Variants in HNRNPA0 observed in about 807,000 individuals in gnomAD.
The protein encoded by HNRNPA0 is heterogeneous nuclear ribonucleoprotein A0.
For missense variants in HNRNPA0, 252 were observed against 433.7 expected, an observed-to-expected ratio of 0.58 and a Z score of 3.72; for synonymous variants, 243 against 195.5, an observed-to-expected ratio of 1.24 and a Z score of -2.03.
rs773642179 is a variant in HNRNPA0, at chr5:137,746,671, A to C, written c.*6478T>G. The C allele has an allele frequency of 1.3e-5, 2 of 152,034 alleles. No individual in the cohort carries two copies. Among genetic ancestry groups the C allele is most frequent in the African/African-American group, 2.4e-5 (1 of 41,362 alleles). The allele number at this position is 152,034 out of a possible 1,614,324, so 9.4% of individuals were successfully genotyped here. ...TGCAACAATCGCCATTCCTCACCCT[A>C]ATTTTTTCTATACTTCTCATCTTCT... On this transcript the variant is annotated 3_prime_UTR_variant, in exon 1 of 1. Coordinates refer to ENST00000314940, the MANE Select transcript of HNRNPA0 (RefSeq NM_006805.4).
In HNRNPA0 at chr5:137,753,620, G is replaced by A. The variant is rs1753551203; in HGVS notation, c.447C>T (p.His149=). The stretch of plus-strand genomic sequence containing the variant: ...CCACCGCGGCCTTGTCTGCCGCGTC[G>A]TGATTCTGGAAATACACGAAGCCGA... ...RGFGFVYFQN[H]DAADKAAVVK... is the part of the protein sequence containing the mutation. The change falls in exon 1 of 1, where the codon CAC becomes CAT. Residue 149 remains histidine (H), a synonymous_variant. Coordinates refer to ENST00000314940, the MANE Select transcript of HNRNPA0 (RefSeq NM_006805.4). The surrounding 1 kb of genome is among the most constrained non-coding windows in gnomAD (Gnocchi z 6.1). 1 of 1,614,166 alleles carries A rather than the reference G, an allele frequency of 6.2e-7. No homozygotes were observed. Among genetic ancestry groups the A allele is most frequent in the East Asian group, 2.2e-5 (1 of 44,884 alleles).
In HNRNPA0 at chr5:137,753,464, G is replaced by C. The variant is rs1753547697; in HGVS notation, c.603C>G (p.Gly201=). The C allele has an allele frequency of 3.2e-6, 5 of 1,564,434 alleles. No homozygotes were observed. The highest frequency in any genetic ancestry group is 4.3e-6 in the Non-Finnish European group (5 of 1,154,424). ...SRGGRGGRGR[G]GGRDQNGLSK... is the part of the protein sequence containing the mutation. Reference sequence around the variant, plus strand: ...AAAGGCCGTTCTGGTCTCGACCACCGCCGCGCCCCCGGCCGCCTCGGCCGC... The same window carrying C: ...AAAGGCCGTTCTGGTCTCGACCACCCCCGCGCCCCCGGCCGCCTCGGCCGC... Residue 201 remains glycine, a synonymous_variant, in exon 1 of 1, where the codon GGC becomes GGG. Transcript: ENST00000314940. The surrounding 1 kb of genome is among the most constrained non-coding windows in gnomAD (Gnocchi z 6.1).
rs890975990 is a variant in HNRNPA0, at chr5:137,754,314, A to ACCGCCG, written c.-254_-249dup. 9 of 495,326 alleles carry ACCGCCG rather than the reference A, an allele frequency of 1.8e-5. No homozygotes were observed. The highest frequency in any genetic ancestry group is 3.7e-5 in the Admixed American group (1 of 26,810). 30.7% of individuals were successfully genotyped at this position (495,326 alleles called of 1,614,324 possible). A position where few individuals can be genotyped will look rare whatever the true frequency, so the allele number is the denominator to read the frequency against. On this transcript the variant is annotated 5_prime_UTR_variant, in exon 1 of 1. Coordinates refer to ENST00000314940, the MANE Select transcript of HNRNPA0 (RefSeq NM_006805.4). ...CTGGAAGACAACCAAGGCCACCGCT[A>ACCGCCG]CCGCCGCCGCCGCCACCTCCGCTCC...
rs1179514844 is a variant in HNRNPA0 at position 137,751,290 on chromosome 5, T to C, written c.*1859A>G. The stretch of plus-strand genomic sequence containing the variant: ...TAATAATCTTAACCTTTCTTCTTAC[T>C]TCTTTAAAAGCCCTGCCAATCAGGA... On this transcript the variant is annotated 3_prime_UTR_variant, in exon 1 of 1. Coordinates refer to ENST00000314940, the MANE Select transcript of HNRNPA0 (RefSeq NM_006805.4). 1 of 147,274 alleles carries C rather than the reference T, an allele frequency of 6.8e-6. No individual in the cohort carries two copies. Among genetic ancestry groups the C allele is most frequent in the Non-Finnish European group, 1.5e-5 (1 of 66,976 alleles). 9.1% of individuals were successfully genotyped at this position (147,274 alleles called of 1,614,324 possible).
In HNRNPA0 at chr5:137,751,173, C is replaced by G. The variant is rs1170782725; in HGVS notation, c.*1976G>C. 6.6e-6 allele frequency: 1 copy of G among 151,938 alleles called. No homozygotes were observed. The highest frequency in any genetic ancestry group is 1.5e-5 in the Non-Finnish European group (1 of 67,946). 9.4% of individuals were successfully genotyped at this position (151,938 alleles called of 1,614,324 possible). On this transcript the variant is annotated 3_prime_UTR_variant, in exon 1 of 1. Coordinates refer to ENST00000314940, the MANE Select transcript of HNRNPA0 (RefSeq NM_006805.4). The stretch of plus-strand genomic sequence containing the variant: ...GTATTACCTCAATGTGTAAAAACAT[C>G]CACCCCGTTTGTCATAGAGGATATA...
rs969503948 is a variant in HNRNPA0, at chr5:137,748,953, G to A, written c.*4196C>T. On this transcript the variant is annotated 3_prime_UTR_variant, in exon 1 of 1. Transcript: ENST00000314940. ...GAGATTGTGACACAATGCTGTAAAG[G>A]AAAAGATGCATCATCTCAAAATAAA... is the stretch of plus-strand genomic sequence containing the variant. The A allele has an allele frequency of 7.9e-5, 12 of 152,246 alleles. No individual in the cohort carries two copies. The South Asian group carries it at 1.4e-3, about 18-fold the overall frequency. 9.4% of individuals were successfully genotyped at this position (152,246 alleles called of 1,614,324 possible).
At position 137,753,129 on chromosome 5, in the gene HNRNPA0, C is replaced by T; in HGVS notation, c.*20G>A. ...AAAGAGCTACCCCTATAGCCACTCCCAGGCATTTTAAATTTTCTTTTAGAA... is the reference window on the plus strand; with the variant it reads ...AAAGAGCTACCCCTATAGCCACTCCTAGGCATTTTAAATTTTCTTTTAGAA... On this transcript the variant is annotated 3_prime_UTR_variant, in exon 1 of 1. Transcript: ENST00000314940. This position sits in a 1 kb window ranked among gnomAD's most constrained non-coding sequence, Gnocchi z 6.1. The T allele has an allele frequency of 5.6e-6, 9 of 1,604,638 alleles. No individual in the cohort carries two copies. Among genetic ancestry groups the T allele is most frequent in the Non-Finnish European group, 6.8e-6 (8 of 1,175,078 alleles).
rs1753533116 is a variant in HNRNPA0 at position 137,753,025 on chromosome 5, G to T, written c.*124C>A. On this transcript the variant is annotated 3_prime_UTR_variant, in exon 1 of 1. Transcript: ENST00000314940. This position sits in a 1 kb window ranked among gnomAD's most constrained non-coding sequence, Gnocchi z 6.1. ...CCAAGGGTAAGCAGCCTTAGAAGTG[G>T]CTCCCCCAAGGGCAAAACAGGGAAG... 2 of 1,034,638 alleles carry T rather than the reference G, an allele frequency of 1.9e-6. No homozygotes were observed. Among genetic ancestry groups the T allele is most frequent in the East Asian group, 5.0e-5 (2 of 40,012 alleles). The allele number at this position is 1,034,638 out of a possible 1,614,324, so 64.1% of individuals were successfully genotyped here.
rs544647542 is a variant in HNRNPA0, at chr5:137,748,371, A to C, written c.*4778T>G. Reference sequence around the variant, plus strand: ...ATTCATCTCTCTCCTACTAGAGTTGAAGCAGCAGTGATTTAGAGAACTACC... The same window carrying C: ...ATTCATCTCTCTCCTACTAGAGTTGCAGCAGCAGTGATTTAGAGAACTACC... On this transcript the variant is annotated 3_prime_UTR_variant, in exon 1 of 1. Transcript: ENST00000314940. 1 of 152,294 alleles carries C rather than the reference A, an allele frequency of 6.6e-6. No homozygotes were observed. Among genetic ancestry groups the C allele is most frequent in the African/African-American group, 2.4e-5 (1 of 41,556 alleles). 9.4% of individuals were successfully genotyped at this position (152,294 alleles called of 1,614,324 possible).
chr5:137,754,196 C>A lies in HNRNPA0; in HGVS notation c.-130G>T. The A allele has an allele frequency of 2.5e-6, 3 of 1,186,698 alleles. No homozygotes were observed. Among genetic ancestry groups the A allele is most frequent in the Non-Finnish European group, 2.3e-6 (2 of 877,836 alleles). The allele number at this position is 1,186,698 out of a possible 1,614,324, so 73.5% of individuals were successfully genotyped here. ...TGGAGCCACCCCCGCCGCTCACCGA[C>A]GGGGAAGGGAAAAAGGGAAGGGGAG... On this transcript the variant is annotated 5_prime_UTR_variant, in exon 1 of 1. Transcript: ENST00000314940.
In HNRNPA0 at chr5:137,753,232, TGCCTCCACC is replaced by T. The variant is rs1160231450; in HGVS notation, c.826_834del (p.Gly276_Gly278del). The T allele has an allele frequency of 1.2e-6, 2 of 1,612,200 alleles. No individual in the cohort carries two copies. The highest frequency in any genetic ancestry group is 1.3e-5 in the African/African-American group (1 of 74,906). On this transcript the variant is annotated inframe_deletion, in exon 1 of 1. Coordinates refer to ENST00000314940, the MANE Select transcript of HNRNPA0 (RefSeq NM_006805.4). This position sits in a 1 kb window ranked among gnomAD's most constrained non-coding sequence, Gnocchi z 6.1. ...CTATTACTGCGACCGCCCCAGCTAC[TGCCTCCACC>T]GCCGCCGCCGCCGCCGCTCTTCATG...
Position 137,754,152 on chromosome 5 carries a change from G to A in HNRNPA0, c.-86C>T, listed in dbSNP as rs1031661448. 16 of 1,463,006 alleles carry A rather than the reference G, an allele frequency of 1.1e-5. No individual in the cohort carries two copies. The highest frequency in any genetic ancestry group is 1.4e-5 in the African/African-American group (1 of 69,946). The allele number at this position is 1,463,006 out of a possible 1,614,324, so 90.6% of individuals were successfully genotyped here. A position where few individuals can be genotyped will look rare whatever the true frequency, so the allele number is the denominator to read the frequency against. On this transcript the variant is annotated 5_prime_UTR_variant, in exon 1 of 1. Coordinates refer to ENST00000314940, the MANE Select transcript of HNRNPA0 (RefSeq NM_006805.4). ...TATCGTTGGTTAAGGCCTCTACACA[G>A]CTTGGGCCCAGCCGTTGCTGGAGCC... is the stretch of plus-strand genomic sequence containing the variant.
rs189508383 is a variant in HNRNPA0 at position 137,750,538 on chromosome 5, C to T, written c.*2611G>A. 3 of 152,250 alleles carry T rather than the reference C, an allele frequency of 2.0e-5. No individual in the cohort carries two copies. In the East Asian group the frequency reaches 5.8e-4, roughly 29 times the overall value. 9.4% of individuals were successfully genotyped at this position (152,250 alleles called of 1,614,324 possible). A position where few individuals can be genotyped will look rare whatever the true frequency, so the allele number is the denominator to read the frequency against. On this transcript the variant is annotated 3_prime_UTR_variant, in exon 1 of 1. Transcript: ENST00000314940. ...AACACTAGGTTCTGTACCACCTGCT[C>T]CCATGAACTCTTAAATCTGAATAAT...
Position 137,746,861 on chromosome 5 carries a change from T to A in HNRNPA0, c.*6288A>T, listed in dbSNP as rs1753416494. ...GACATACTAAGAAACAGGGAGGCAC[T>A]GAATTTAGGGATAGTAACCTAGTGC... On this transcript the variant is annotated 3_prime_UTR_variant, in exon 1 of 1. Transcript: ENST00000314940. 1 of 152,206 alleles carries A rather than the reference T, an allele frequency of 6.6e-6. No homozygotes were observed. Among genetic ancestry groups the A allele is most frequent in the Admixed American group, 6.5e-5 (1 of 15,280 alleles). 9.4% of individuals were successfully genotyped at this position (152,206 alleles called of 1,614,324 possible).
rs1337118907 is a variant in HNRNPA0, at chr5:137,751,331, C to T, written c.*1818G>A. 6.0e-5 allele frequency: 8 copies of T among 132,278 alleles called. No individual in the cohort carries two copies. The highest frequency in any genetic ancestry group is 1.1e-4 in the Non-Finnish European group (7 of 61,156). The allele number at this position is 132,278 out of a possible 1,614,324, so 8.2% of individuals were successfully genotyped here. On this transcript the variant is annotated 3_prime_UTR_variant, in exon 1 of 1. Coordinates refer to ENST00000314940, the MANE Select transcript of HNRNPA0 (RefSeq NM_006805.4). ...CCAATCAGGAAAAAAAAAAAAAAAA[C>T]TGGCAAGAACTAGACCTTAGGAATT...
In HNRNPA0 at chr5:137,753,794, G is replaced by C. The variant is rs771476633; in HGVS notation, c.273C>G (p.Pro91=). Residue 91 remains proline, a synonymous_variant, in exon 1 of 1, where the codon CCC becomes CCG. Coordinates refer to ENST00000314940, the MANE Select transcript of HNRNPA0 (RefSeq NM_006805.4). This position sits in a 1 kb window ranked among gnomAD's most constrained non-coding sequence, Gnocchi z 6.1. ...RAVSREDSAR[P]GAHAKVKKLF... ...GCTTCTTAACCTTGGCGTGGGCACCGGGCCGCGCCGAATCCTCCCGGGACA... is the reference window on the plus strand; with the variant it reads ...GCTTCTTAACCTTGGCGTGGGCACCCGGCCGCGCCGAATCCTCCCGGGACA... The C allele has an allele frequency of 7.5e-6, 12 of 1,610,478 alleles. No homozygotes were observed. The East Asian group carries it at 8.9e-5, about 12-fold the overall frequency.
rs1163607572 is a variant in HNRNPA0 at position 137,745,734 on chromosome 5, T to C, written c.*7415A>G. Reference sequence around the variant, plus strand: ...ATACAGGAAAAAGACATAAGCAGAATCTGGAGGAATCCATGTGCAGGCTTC... The same window carrying C: ...ATACAGGAAAAAGACATAAGCAGAACCTGGAGGAATCCATGTGCAGGCTTC... On this transcript the variant is annotated 3_prime_UTR_variant, in exon 1 of 1. Transcript: ENST00000314940. 1.3e-5 allele frequency: 2 copies of C among 152,180 alleles called. No homozygotes were observed. Among genetic ancestry groups the C allele is most frequent in the African/African-American group, 4.8e-5 (2 of 41,438 alleles). The allele number at this position is 152,180 out of a possible 1,614,324, so 9.4% of individuals were successfully genotyped here. A position where few individuals can be genotyped will look rare whatever the true frequency, so the allele number is the denominator to read the frequency against.
Position 137,754,189 on chromosome 5 carries a change from T to G in HNRNPA0, c.-123A>C. 1 of 1,269,880 alleles carries G rather than the reference T, an allele frequency of 7.9e-7. No individual in the cohort carries two copies. The highest frequency in any genetic ancestry group is 1.1e-6 in the Non-Finnish European group (1 of 950,120). 78.7% of individuals were successfully genotyped at this position (1,269,880 alleles called of 1,614,324 possible). On this transcript the variant is annotated 5_prime_UTR_variant, in exon 1 of 1. Transcript: ENST00000314940. ...CCGTTGCTGGAGCCACCCCCGCCGC[T>G]CACCGACGGGGAAGGGAAAAAGGGA...
rs985964666 is a variant in HNRNPA0, at chr5:137,750,902, T to C, written c.*2247A>G. 1 of 152,134 alleles carries C rather than the reference T, an allele frequency of 6.6e-6. No individual in the cohort carries two copies. Among genetic ancestry groups the C allele is most frequent in the Non-Finnish European group, 1.5e-5 (1 of 68,018 alleles). 9.4% of individuals were successfully genotyped at this position (152,134 alleles called of 1,614,324 possible). ...TGAAAACCCTGAGAAAGGTGTACTA[T>C]TCCAATTGACCCAGATCTTCCCACC... On this transcript the variant is annotated 3_prime_UTR_variant, in exon 1 of 1. Coordinates refer to ENST00000314940, the MANE Select transcript of HNRNPA0 (RefSeq NM_006805.4).
Sources: allele counts gnomAD v4.1 joint callset, GRCh38; gene constraint gnomAD v4.1.1; non-coding constraint Gnocchi (gnomAD v3.1); transcripts MANE v1.5; gene names NCBI Gene and HGNC (gene_info 2026-07-23, HGNC 2026-07-21).